The following ZNF639 variants were observed in gnomAD, a reference collection of about 807,000 sequenced individuals.
ZNF639 encodes zinc finger protein 639.
A neutral mutation model predicts 39.8 loss-of-function variants in ZNF639; 20 were observed. The ratio of observed to expected loss-of-function variants is 0.50; its 90% CI spans 0.35 to 0.73. ZNF639 has a LOEUF of 0.73. ZNF639 is among the 30% of genes least tolerant of loss of function. The probability of loss-of-function intolerance (pLI) is 0.00; values close to 1 mark genes in which losing one functional copy is unlikely to be tolerated. For synonymous variants in ZNF639, 176 were observed against 189.8 expected (o/e 0.93, Z 0.60); for missense variants, 477 against 566.2 (o/e 0.84, Z 1.60).
chr3:179,326,906 TG>T (rs1727625081), intron 1 of ZNF639, among the ~76,000 whole-genome samples: 2 of 152,016 alleles, frequency 1.3e-5, no homozygotes. Flanking sequence ...GTTTATAATT[TG>T]GGCCAGGCAA....
intron 1 of ZNF639, chr3:179,323,740 G>A (rs1727417590): frequency 6.6e-6 from 1 of 152,232 alleles, no homozygotes; most frequent in Admixed American, 6.5e-5. Context: ...CGTGACCTCC[G>A]GCGGCGAATC....
In ZNF639 at chr3:179,323,075, G is replaced by T. The variant is rs147661083; in HGVS notation, c.-299G>T. ...CGGAGCGTGGCGGCCAGGGCAGTGCGGCCGCGGAGCCTAGGCCAGGGGCCT... is the reference window on the plus strand; with the variant it reads ...CGGAGCGTGGCGGCCAGGGCAGTGCTGCCGCGGAGCCTAGGCCAGGGGCCT... On this transcript the variant is annotated 5_prime_UTR_variant, in exon 1 of 6. Transcript: ENST00000496856. The T allele has an allele frequency of 6.1e-6, 6 of 984,900 alleles. No individual in the cohort carries two copies. The highest frequency in any genetic ancestry group is 6.0e-6 in the Non-Finnish European group (5 of 829,982). The allele number at this position is 984,900 out of a possible 1,614,324, so 61.0% of individuals were successfully genotyped here.
intron 5 of ZNF639, 57 bp downstream of exon 5, chr3:179,333,180 A>AC: frequency 6.4e-7 from 1 of 1,561,968 alleles, no homozygotes; most frequent in East Asian, 2.3e-5. Context: ...TTTTAAAAAA[A>AC]GTGCATGCAA....
rs940864393 is a variant in ZNF639 at position 179,323,143 on chromosome 3, C to G, written c.-231C>G. The stretch of plus-strand genomic sequence containing the variant: ...GCGCGCGGGGAGGGAGAGGGGTCGG[C>G]CCAGCACAGCGTCCGGGAGCGCTAG... On this transcript the variant is annotated 5_prime_UTR_variant, in exon 1 of 6. Coordinates refer to ENST00000496856, the MANE Select transcript of ZNF639 (RefSeq NM_001303426.2). 2 of 984,456 alleles carry G rather than the reference C, an allele frequency of 2.0e-6. No individual in the cohort carries two copies. The highest frequency in any genetic ancestry group is 3.5e-5 in the African/African-American group (2 of 57,090). The allele number at this position is 984,456 out of a possible 1,614,324, so 61.0% of individuals were successfully genotyped here.
chr3:179,323,376 G>A, intron 1 of ZNF639, 85 bp downstream of exon 1: 1 of 985,698 alleles, frequency 1.0e-6, no homozygotes, highest in South Asian at 4.7e-5. Context: ...TAACGGGAGA[G>A]GGCGGGAGAG....
intron 1 of ZNF639, among the ~76,000 whole-genome samples, chr3:179,324,184 C>T (rs73886620): frequency 0.038 from 5,741 of 152,244 alleles, 338 homozygotes; most frequent in African/African-American, 0.13. Context: ...AGACGTCTTA[C>T]AGCAATTAGG....
rs1271019053 is a variant in ZNF639 at position 179,335,503 on chromosome 3, C to T, written c.*1081C>T. 1 of 152,192 alleles carries T rather than the reference C, an allele frequency of 6.6e-6. No individual in the cohort carries two copies. Among genetic ancestry groups the T allele is most frequent in the Non-Finnish European group, 1.5e-5 (1 of 68,046 alleles). 9.4% of individuals were successfully genotyped at this position (152,192 alleles called of 1,614,324 possible). Reference sequence around the variant, plus strand: ...TGCTGGCATGAAAATGTATAACTTACAACATTTATTAATAAAATGATAAAT... The same window carrying T: ...TGCTGGCATGAAAATGTATAACTTATAACATTTATTAATAAAATGATAAAT... On this transcript the variant is annotated 3_prime_UTR_variant, in exon 6 of 6. Coordinates refer to ENST00000496856, the MANE Select transcript of ZNF639 (RefSeq NM_001303426.2).
rs752797173 is a variant in ZNF639, at chr3:179,329,078, C to G, written c.59-540C>G. On this transcript the variant is annotated intron_variant, in intron 3 of 5. Coordinates refer to ENST00000496856, the MANE Select transcript of ZNF639 (RefSeq NM_001303426.2). ...AGAAAAGGGGTCTTTGTGGCCATCTCTAATACACCTCGCATACATTTACTT... is the reference window on the plus strand; with the variant it reads ...AGAAAAGGGGTCTTTGTGGCCATCTGTAATACACCTCGCATACATTTACTT... Among the ~76,000 whole-genome samples the G allele has an allele frequency of 5.3e-5, 8 of 152,294 alleles. No individual in the cohort carries two copies. The South Asian group carries it at 6.2e-4, about 12-fold the overall frequency.
chr3:179,329,791 T>G, intron 4 of ZNF639, 63 bp downstream of exon 4: 1 of 841,620 alleles, frequency 1.2e-6, no homozygotes, highest in Non-Finnish European at 1.9e-6. Context: ...TATTCCTTAC[T>G]TGAAAATGTG....
rs935616462 is a variant in ZNF639 at position 179,335,074 on chromosome 3, G to A, written c.*652G>A. ...AACTTGATGTTTCATTTTCTGTTGA[G>A]GAACCATAAATTCATTCACAGACTT... On this transcript the variant is annotated 3_prime_UTR_variant, in exon 6 of 6. Transcript: ENST00000496856. 4.6e-5 allele frequency: 7 copies of A among 152,106 alleles called. No individual in the cohort carries two copies. The highest frequency in any genetic ancestry group is 1.7e-4 in the African/African-American group (7 of 41,408). The allele number at this position is 152,106 out of a possible 1,614,324, so 9.4% of individuals were successfully genotyped here.
At position 179,338,551 on chromosome 3, in the gene ZNF639, T is replaced by C. The variant is rs903620664; in HGVS notation, c.*4129T>C. 21 of 152,122 alleles carry C rather than the reference T, an allele frequency of 1.4e-4. No homozygotes were observed. The highest frequency in any genetic ancestry group is 4.8e-4 in the African/African-American group (20 of 41,436). The allele number at this position is 152,122 out of a possible 1,614,324, so 9.4% of individuals were successfully genotyped here. A position where few individuals can be genotyped will look rare whatever the true frequency, so the allele number is the denominator to read the frequency against. On this transcript the variant is annotated 3_prime_UTR_variant, in exon 6 of 6. Transcript: ENST00000496856. ...TCTTTTGTTTTTAATAGACTAGCAC[T>C]ATTCCTAATTATTAAATCTGATTTA...
intron 4 of ZNF639, among the ~76,000 whole-genome samples, chr3:179,332,559 A>G (rs538880026): frequency 2.6e-4 from 40 of 152,236 alleles, no homozygotes; most frequent in Non-Finnish European, 4.7e-4. Flanking sequence ...TTGAGGCTGC[A>G]GTGAGTGAGC....
intron 1 of ZNF639, 78 bp downstream of exon 1, chr3:179,323,369 C>T (rs984907657): frequency 9.5e-5 from 94 of 985,400 alleles, no homozygotes; most frequent in Non-Finnish European, 1.1e-4. Context: ...CATCTTCTAA[C>T]GGGAGAGGGC....
upstream of ZNF639, chr3:179,322,972 C>T: frequency 7.1e-6 from 7 of 985,144 alleles, no homozygotes; most frequent in Non-Finnish European, 8.4e-6. Flanking sequence ...TGCGTTCGCG[C>T]AGCCCGCTCC....
rs1728054282 is a variant in ZNF639, at chr3:179,333,712, G to C, written c.748G>C (p.Glu250Gln). 1.9e-5 allele frequency: 30 copies of C among 1,614,126 alleles called. No homozygotes were observed. Among genetic ancestry groups the C allele is most frequent in the Non-Finnish European group, 2.5e-5 (30 of 1,180,020 alleles). The change falls in exon 6 of 6, where the codon GAA becomes CAA. Residue 250 changes from glutamate (E) to glutamine (Q), a missense_variant. Coordinates refer to ENST00000496856, the MANE Select transcript of ZNF639 (RefSeq NM_001303426.2). Reference protein sequence around the residue: ...ESFSTNMLLIEHAKLHEEDPY... With the variant: ...ESFSTNMLLIQHAKLHEEDPY... ...TTTCTCTACCAATATGCTTCTGATA[G>C]AACATGCCAAACTGCATGAAGAGGA...
rs922321080 is a variant in ZNF639 at position 179,335,288 on chromosome 3, C to T, written c.*866C>T. ...TAAATTTCTTGTAGAGATGAGATCT[C>T]GCTATGTTGCCCAGGCCAGTCTCAA... On this transcript the variant is annotated 3_prime_UTR_variant, in exon 6 of 6. Transcript: ENST00000496856. 2 of 152,138 alleles carry T rather than the reference C, an allele frequency of 1.3e-5. No homozygotes were observed. The highest frequency in any genetic ancestry group is 1.9e-4 in the East Asian group (1 of 5,176). 9.4% of individuals were successfully genotyped at this position (152,138 alleles called of 1,614,324 possible). A position where few individuals can be genotyped will look rare whatever the true frequency, so the allele number is the denominator to read the frequency against.
At chr3:179,329,580 G>T (rs371434716) in intron 3 of ZNF639, 38 bp from the exon 4 acceptor site, 1 of 1,213,464 alleles carries the variant, frequency 8.2e-7, no homozygotes, top group Admixed American at 1.8e-5. Context: ...AAATATGTAT[G>T]TTTACTGTAC....
intron 4 of ZNF639, among the ~76,000 whole-genome samples, chr3:179,330,997 C>T (rs1287277138): frequency 6.6e-6 from 1 of 152,198 alleles, no homozygotes; most frequent in Non-Finnish European, 1.5e-5. Context: ...TGAGCATGAG[C>T]ACATTCAGTG....
chr3:179,326,200 G>A (rs535986259), intron 1 of ZNF639, among the ~76,000 whole-genome samples: 2 of 152,154 alleles, frequency 1.3e-5, no homozygotes, highest in South Asian at 4.2e-4. Flanking sequence ...GTGTGCTGGC[G>A]GGTACCTGTA....
Sources: allele counts gnomAD v4.1 joint callset (sites outside exome capture counted in the v4.1 genomes callset), GRCh38; gene constraint gnomAD v4.1.1; transcripts MANE v1.5; gene names NCBI Gene and HGNC (gene_info 2026-07-23, HGNC 2026-07-21).